CYTH2: variants seen among roughly 807,000 people sequenced by gnomAD.
The protein encoded by CYTH2 is cytohesin-2.
CYTH2 carries 24 observed loss-of-function variants against 55.4 expected under a neutral mutation model. The observed-to-expected ratio is 0.43, with a 90% confidence interval of 0.31 to 0.61. CYTH2 has a LOEUF of 0.61. Ranked by LOEUF, CYTH2 falls within the 20% of genes least tolerant of loss-of-function variation. The pLI is 0.08. For missense variants in CYTH2, 378 were observed against 533.5 expected (o/e 0.71, Z 2.87); for synonymous variants, 221 against 209.6 (o/e 1.05, Z -0.47).
In CYTH2 at chr19:48,480,021, C is replaced by G; in HGVS notation, c.*811C>G. 6.6e-6 allele frequency: 1 copy of G among 152,250 alleles called. No homozygotes were observed. The highest frequency in any genetic ancestry group is 2.1e-4 in the South Asian group (1 of 4,832). The allele number at this position is 152,250 out of a possible 1,614,324, so 9.4% of individuals were successfully genotyped here. ...TTTGTGTCAAGGATAGGGCTGAGGACCTGCGTTCTGAACGTCTTTCCTGGG... is the reference window on the plus strand; with the variant it reads ...TTTGTGTCAAGGATAGGGCTGAGGAGCTGCGTTCTGAACGTCTTTCCTGGG... On this transcript the variant is annotated 3_prime_UTR_variant, in exon 12 of 12. Transcript: ENST00000452733.
chr19:48,478,334 C>T lies in CYTH2; in HGVS notation c.945C>T (p.Asp315=), dbSNP rs773497717. The T allele has an allele frequency of 3.7e-6, 6 of 1,614,002 alleles. No individual in the cohort carries two copies. In the African/African-American group the frequency reaches 8.0e-5, roughly 22 times the overall value. ...LENLSIREVD[D]PRKPNCFELY... is the part of the protein sequence containing the mutation. Reference sequence around the variant, plus strand: ...ATCTGAGCATCCGAGAGGTGGACGACCCCCGGAAACCGGTAAGACCCTCTC... The same window carrying T: ...ATCTGAGCATCCGAGAGGTGGACGATCCCCGGAAACCGGTAAGACCCTCTC... The change falls in exon 10 of 12, where the codon GAC becomes GAT. Residue 315 remains aspartate, a synonymous_variant. Coordinates refer to ENST00000452733, the MANE Select transcript of CYTH2 (RefSeq NM_004228.7).
intron 1 of CYTH2, 135 bp downstream of exon 1, chr19:48,469,661 T>C: frequency 7.7e-7 from 1 of 1,296,416 alleles, no homozygotes; most frequent in Non-Finnish European, 1.0e-6. Context: ...GCGCCGCTTT[T>C]GTTGGGCGCT....
rs769951654 is a variant in CYTH2, at chr19:48,474,248, G to A, written c.614G>A (p.Arg205Gln). 1.4e-5 allele frequency: 23 copies of A among 1,613,520 alleles called. No homozygotes were observed. The highest frequency in any genetic ancestry group is 2.2e-5 in the East Asian group (1 of 44,870). Residue 205 changes from arginine to glutamine, a missense_variant, in exon 7 of 12, where the codon CGG (arginine) becomes CAG (glutamine). Coordinates refer to ENST00000452733, the MANE Select transcript of CYTH2 (RefSeq NM_004228.7). The surrounding 1 kb of genome is among the most constrained non-coding windows in gnomAD (Gnocchi z 4.9). ...ACCAGTCTCCACAATCCCAATGTCC[G>A]GGACAAGCCGGGCCTGGAGCGCTTT... is the stretch of plus-strand genomic sequence containing the variant. ...LNTSLHNPNV[R>Q]DKPGLERFVA... is the part of the protein sequence containing the mutation.
At chr19:48,470,763 CTA>C (rs1388165594) in intron 3 of CYTH2, 94 bp downstream of exon 3, 7 of 1,397,070 alleles carry the variant, frequency 5.0e-6, no homozygotes, top group African/African-American at 1.4e-5. Context: ...GGTGCCGGGT[CTA>C]TTCTAGGTGG....
At position 48,481,805 on chromosome 19, in the gene CYTH2, G is replaced by T. The variant is rs906490102; in HGVS notation, c.*2595G>T. ...TGGGATTACAGGTGTGAGCCACCGC[G>T]CCAGGCCTCAGCCCACTTCTTTTGG... On this transcript the variant is annotated 3_prime_UTR_variant, in exon 12 of 12. Transcript: ENST00000452733. 2 of 152,380 alleles carry T rather than the reference G, an allele frequency of 1.3e-5. No homozygotes were observed. Among genetic ancestry groups the T allele is most frequent in the Non-Finnish European group, 2.9e-5 (2 of 68,216 alleles). 9.4% of individuals were successfully genotyped at this position (152,380 alleles called of 1,614,324 possible).
chr19:48,479,336 T>G lies in CYTH2; in HGVS notation c.*126T>G. On this transcript the variant is annotated 3_prime_UTR_variant, in exon 12 of 12. Transcript: ENST00000452733. ...ATTCACCACCTCTAGCTCCTCACTG[T>G]TCTTTGTAATTAACACGCTGTTGGT... The G allele has an allele frequency of 6.0e-6, 5 of 830,036 alleles. No homozygotes were observed. Among genetic ancestry groups the G allele is most frequent in the Non-Finnish European group, 7.8e-6 (4 of 514,798 alleles). 51.4% of individuals were successfully genotyped at this position (830,036 alleles called of 1,614,324 possible).
At chr19:48,471,499 C>T (rs1971793152) in intron 3 of CYTH2, among the ~76,000 whole-genome samples, 1 of 152,180 alleles carries the variant, frequency 6.6e-6, no homozygotes, top group Admixed American at 6.5e-5. Flanking sequence ...TCTCAAGAGT[C>T]TGATCCTGTG....
chr19:48,474,461 G>A lies in CYTH2; in HGVS notation c.696+131G>A. Reference sequence around the variant, plus strand: ...AGATGGTGCGATCATGCCAACTCGTGTGTGATCTTTTTCTCTCTCTCTGGG... The same window carrying A: ...AGATGGTGCGATCATGCCAACTCGTATGTGATCTTTTTCTCTCTCTCTGGG... On this transcript the variant is annotated intron_variant, in intron 7 of 11. Coordinates refer to ENST00000452733, the MANE Select transcript of CYTH2 (RefSeq NM_004228.7). This position sits in a 1 kb window ranked among gnomAD's most constrained non-coding sequence, Gnocchi z 4.9. 1.0e-6 allele frequency: 1 copy of A among 997,320 alleles called. No homozygotes were observed. The highest frequency in any genetic ancestry group is 1.4e-6 in the Non-Finnish European group (1 of 701,556). The allele number at this position is 997,320 out of a possible 1,614,324, so 61.8% of individuals were successfully genotyped here.
chr19:48,471,231 G>A (rs541698989), intron 3 of CYTH2, among the ~76,000 whole-genome samples: 85 of 149,656 alleles, frequency 5.7e-4, no homozygotes, highest in South Asian at 4.6e-3. Context: ...ATGTGATCTC[G>A]GCTCACTAAC....
At chr19:48,477,693 C>G in intron 8 of CYTH2, 1 of 240,088 alleles carries the variant, frequency 4.2e-6, no homozygotes, top group Admixed American at 4.9e-5. Flanking sequence ...CTGGTCCTGC[C>G]TGCTTTCTCG....
In CYTH2 at chr19:48,474,953, C is replaced by T. The variant is rs17856109; in HGVS notation, c.808+4C>T. 49 of 1,613,652 alleles carry T rather than the reference C, an allele frequency of 3.0e-5. No individual in the cohort carries two copies. The highest frequency in any genetic ancestry group is 3.6e-5 in the Non-Finnish European group (42 of 1,179,640). ...GAGGGCTGGCTCCTGAAGCTGGGTA[C>T]GTGCCCTCCCGACCCCGCTGGTCCC... On this transcript the variant is annotated splice_donor_region_variant and intron_variant, in intron 8 of 11. Coordinates refer to ENST00000452733, the MANE Select transcript of CYTH2 (RefSeq NM_004228.7). This position sits in a 1 kb window ranked among gnomAD's most constrained non-coding sequence, Gnocchi z 4.9.
At chr19:48,475,083 C>T (rs1971885534) in intron 8 of CYTH2, 134 bp downstream of exon 8, 2 of 753,406 alleles carry the variant, frequency 2.7e-6, no homozygotes, top group Non-Finnish European at 4.3e-6. Context: ...CTCAGTTTTC[C>T]ACACCCAAAA....
chr19:48,470,467 G>A lies in CYTH2; in HGVS notation c.134G>A (p.Ser45Asn). The A allele has an allele frequency of 6.2e-7, 1 of 1,614,150 alleles. No individual in the cohort carries two copies. Among genetic ancestry groups the A allele is most frequent in the Non-Finnish European group, 8.5e-7 (1 of 1,180,000 alleles). Residue 45 changes from serine to asparagine, a missense_variant, in exon 2 of 12, where the codon AGC (serine) becomes AAC (asparagine). Ser to Asn is a conservative substitution (Grantham distance 46). Coordinates refer to ENST00000452733, the MANE Select transcript of CYTH2 (RefSeq NM_004228.7). ...RLREELSEAM[S>N]EVEGLEANEG... The stretch of plus-strand genomic sequence containing the variant: ...CGGGAGGAGCTCAGTGAAGCCATGA[G>A]CGAGGTGGAGGGGCTGGAGGCCAAT...
rs188139229 is a variant in CYTH2, at chr19:48,478,924, G to T, written c.1113-199G>T. On this transcript the variant is annotated intron_variant, in intron 11 of 11. Coordinates refer to ENST00000452733, the MANE Select transcript of CYTH2 (RefSeq NM_004228.7). ...TGGGTGTGAGGGAGGAGGGGCCGGGGGCCTGGACTCCTGGGTCTGAGGGAG... is the reference window on the plus strand; with the variant it reads ...TGGGTGTGAGGGAGGAGGGGCCGGGTGCCTGGACTCCTGGGTCTGAGGGAG... Among the ~76,000 whole-genome samples the T allele has an allele frequency of 8.7e-4, 130 of 148,768 alleles. 3 individuals are homozygous for T. Among genetic ancestry groups the T allele is most frequent in the African/African-American group, 2.8e-3 (111 of 39,922 alleles).
chr19:48,478,617 TGGA>T (rs1569092970), intron 11 of CYTH2, 25 bp downstream of exon 11: 2 of 1,497,094 alleles, frequency 1.3e-6, no homozygotes, highest in Admixed American at 3.7e-5. Context: ...CTGGGCCTGA[TGGA>T]GGAGGGGCTG....
intron 8 of CYTH2, 171 bp from the exon 9 acceptor site, chr19:48,477,898 A>T (rs1971950782): frequency 3.4e-6 from 2 of 580,306 alleles, no homozygotes; most frequent in African/African-American, 3.7e-5. Flanking sequence ...CGATTCCTGG[A>T]GCCCCAACAT....
chr19:48,473,646 C>A, intron 5 of CYTH2: 1 of 595,260 alleles, frequency 1.7e-6, no homozygotes, highest in East Asian at 2.8e-5. Flanking sequence ...TCTGCAGACC[C>A]GCTTACCTGA....
rs373443354 is a variant in CYTH2, at chr19:48,472,448, G to A, written c.353+5G>A. ...CGGGGACTACCTGGGGGAGAGGTAC[G>A]GTCACCACTCAGCTCCTGTGGGGCC... On this transcript the variant is annotated splice_donor_5th_base_variant and intron_variant, in intron 4 of 11. Coordinates refer to ENST00000452733, the MANE Select transcript of CYTH2 (RefSeq NM_004228.7). 5.5e-4 allele frequency: 890 copies of A among 1,611,800 alleles called. 11 individuals are homozygous for A. The South Asian group carries it at 8.9e-3, about 16-fold the overall frequency.
chr19:48,469,945 T>G, intron 1 of CYTH2: 1 of 553,210 alleles, frequency 1.8e-6, no homozygotes, highest in Non-Finnish European at 3.6e-6. Context: ...TTCCCCCGGC[T>G]GTAGTGACTT....
Sources: allele counts gnomAD v4.1 joint callset (sites outside exome capture counted in the v4.1 genomes callset), GRCh38; gene constraint gnomAD v4.1.1; non-coding constraint Gnocchi (gnomAD v3.1); transcripts MANE v1.5; gene names NCBI Gene and HGNC (gene_info 2026-07-23, HGNC 2026-07-21).